The following CTNNA2 variants were observed in gnomAD, a reference collection of about 807,000 sequenced individuals.
CTNNA2 encodes catenin alpha 2, also known as catenin alpha-2.
A neutral mutation model predicts 101.0 loss-of-function variants in CTNNA2; 42 were observed. The ratio of observed to expected loss-of-function variants is 0.42; its 90% CI spans 0.32 to 0.54. The LOEUF is 0.54. Among genes scored for constraint, CTNNA2 ranks in the 20% least tolerant of loss-of-function variants. The pLI is 0.14. For synonymous variants in CTNNA2, 450 were observed against 456.4 expected (o/e 0.99, Z 0.18); for missense variants, 871 against 1,223.1 (o/e 0.71, Z 4.29).
chr2:80,622,816 G>T (rs1258239818), intron 18 of CTNNA2, among the ~76,000 whole-genome samples: 4 of 151,654 alleles, frequency 2.6e-5, no homozygotes, highest in Non-Finnish European at 4.4e-5. Context: ...GATTAGAACT[G>T]CTTTGTTACC....
chr2:79,526,702 G>A (rs1672425568), intron 1 of CTNNA2, among the ~76,000 whole-genome samples: 1 of 151,944 alleles, frequency 6.6e-6, no homozygotes, highest in African/African-American at 2.4e-5. Flanking sequence ...TTTCAACAAG[G>A]GTGACAAGAC....
In CTNNA2 at chr2:80,357,879, A is replaced by AT. The variant is rs142073817; in HGVS notation, c.1057-35324dup. ...CTAAGAGAAGCCATCTCTAAAATTGATTTTTTTTATTGACACTTGGTAATA... is the reference window on the plus strand; with the variant it reads ...CTAAGAGAAGCCATCTCTAAAATTGATTTTTTTTTATTGACACTTGGTAATA... On this transcript the variant is annotated intron_variant, in intron 7 of 18. Transcript: ENST00000402739. Among the ~76,000 whole-genome samples, 45 of 152,024 alleles carry AT rather than the reference A, an allele frequency of 3.0e-4. 2 individuals carry two copies. In the East Asian group the frequency reaches 8.3e-3, roughly 28 times the overall value.
rs1436963795 is a variant in CTNNA2, at chr2:79,518,192, A to T, written c.-6+4985A>T. Among the ~76,000 whole-genome samples the T allele has an allele frequency of 2.6e-5, 4 of 152,222 alleles. No individual in the cohort carries two copies. In the East Asian group the frequency reaches 7.7e-4, roughly 29 times the overall value. On this transcript the variant is annotated intron_variant, in intron 1 of 18. Transcript: ENST00000402739. ...AATATAAATCATATGTTGATTTTTC[A>T]GTATGTTGCTACTTGTAGACATCGG...
chr2:80,474,108 T>G (rs1222804930), intron 9 of CTNNA2, among the ~76,000 whole-genome samples: 1 of 152,182 alleles, frequency 6.6e-6, no homozygotes. Context: ...ACCAAAACAG[T>G]TTTTGTTTCT....
intron 3 of CTNNA2, among the ~76,000 whole-genome samples, chr2:79,850,757 C>T (rs145824851): frequency 6.6e-6 from 1 of 152,328 alleles, no homozygotes; most frequent in Non-Finnish European, 1.5e-5. Context: ...AATGAGAACA[C>T]TTCCTTCATC....
chr2:80,048,942 C>G, intron 7 of CTNNA2, among the ~76,000 whole-genome samples: 1 of 152,040 alleles, frequency 6.6e-6, no homozygotes, highest in Admixed American at 6.6e-5. Flanking sequence ...ATCTGGGGTG[C>G]AGACAGGTGG....
chr2:80,227,833 C>T (rs1000467348), intron 7 of CTNNA2, among the ~76,000 whole-genome samples: 15 of 149,058 alleles, frequency 1.0e-4, no homozygotes, highest in African/African-American at 3.3e-4. Flanking sequence ...AGACAAAATT[C>T]GAAAAAAACA....
At chr2:79,832,033 C>T (rs1226745199) in intron 3 of CTNNA2, among the ~76,000 whole-genome samples, 1 of 152,080 alleles carries the variant, frequency 6.6e-6, no homozygotes, top group African/African-American at 2.4e-5. Flanking sequence ...AAGTATTTGG[C>T]TCTAAGATAA....
intron 7 of CTNNA2, among the ~76,000 whole-genome samples, chr2:80,342,380 C>G (rs188348150): frequency 6.6e-6 from 1 of 152,190 alleles, no homozygotes; most frequent in Non-Finnish European, 1.5e-5. Flanking sequence ...CATTTGCCCT[C>G]TGATGAACTT....
intron 3 of CTNNA2, among the ~76,000 whole-genome samples, chr2:79,339,395 G>A (rs1677079404): frequency 6.6e-6 from 1 of 151,796 alleles, no homozygotes; most frequent in Non-Finnish European, 1.5e-5. Context: ...CAATTACAGG[G>A]TATTGTCACC....
rs1553384556 is a variant in CTNNA2 at position 79,232,547 on chromosome 2, C to CAA, written c.-406+34471_-406+34472insAA. 4.8e-4 allele frequency among the ~76,000 whole-genome samples: 73 copies of CAA among 152,234 alleles called. No individual in the cohort carries two copies. The East Asian group carries it at 0.014, about 28-fold the overall frequency. ...TGTTTTGCTATCAGAATGATGCTGG[C>CAA]TTTACAGAATGAATTAGGGAGAAAC... On this transcript the variant is annotated intron_variant, in intron 2 of 21. Coordinates refer to the CTNNA2 transcript ENST00000466387.
intron 4 of CTNNA2, among the ~76,000 whole-genome samples, chr2:79,464,304 G>A (rs1670909627): frequency 1.3e-5 from 2 of 152,148 alleles, no homozygotes; most frequent in Non-Finnish European, 2.9e-5. Flanking sequence ...CCCCGCAAAG[G>A]ACATGAACTC....
intron 3 of CTNNA2, among the ~76,000 whole-genome samples, chr2:79,317,772 A>C: frequency 6.6e-6 from 1 of 152,120 alleles, no homozygotes; most frequent in East Asian, 1.9e-4. Flanking sequence ...AAAAGTCTTA[A>C]ATTTTGACAA....
chr2:80,439,698 G>A (rs1682382454), intron 9 of CTNNA2, among the ~76,000 whole-genome samples: 1 of 152,164 alleles, frequency 6.6e-6, no homozygotes, highest in African/African-American at 2.4e-5. Flanking sequence ...ACCACGCCAG[G>A]CCTTATCTTA....
Position 80,220,101 on chromosome 2 carries a change from G to A in CTNNA2, c.1057-173110G>A, listed in dbSNP as rs376307017. Among the ~76,000 whole-genome samples, 25 of 152,272 alleles carry A rather than the reference G, an allele frequency of 1.6e-4. No homozygotes were observed. In the East Asian group the frequency reaches 3.5e-3, roughly 21 times the overall value. Reference sequence around the variant, plus strand: ...TTGACCACAAAGGATACTGAATGCAGTATACCAAGGATACTGCTGGGGATA... The same window carrying A: ...TTGACCACAAAGGATACTGAATGCAATATACCAAGGATACTGCTGGGGATA... On this transcript the variant is annotated intron_variant, in intron 7 of 18. Transcript: ENST00000402739.
chr2:79,444,900 TTCC>T (rs1678816237), intron 4 of CTNNA2, among the ~76,000 whole-genome samples: 1 of 152,118 alleles, frequency 6.6e-6, no homozygotes, highest in Non-Finnish European at 1.5e-5. Flanking sequence ...AAATTACTCC[TTCC>T]TCAGAATGAA....
chr2:79,866,091 A>C (rs917788425), intron 4 of CTNNA2, among the ~76,000 whole-genome samples: 2 of 152,230 alleles, frequency 1.3e-5, no homozygotes, highest in Non-Finnish European at 2.9e-5. Context: ...TGACTATCTC[A>C]AACAATATGA....
chr2:80,198,133 A>T (rs1706955515), intron 7 of CTNNA2, among the ~76,000 whole-genome samples: 1 of 152,214 alleles, frequency 6.6e-6, no homozygotes, highest in African/African-American at 2.4e-5. Flanking sequence ...CTGGGTAAAA[A>T]CAATAAACTC....
At chr2:80,124,178 C>G (rs893132371) in intron 7 of CTNNA2, among the ~76,000 whole-genome samples, 1 of 152,124 alleles carries the variant, frequency 6.6e-6, no homozygotes, top group African/African-American at 2.4e-5. Context: ...GTCTTGGTGG[C>G]ATGTCATGTT....
Sources: allele counts gnomAD v4.1 joint callset (sites outside exome capture counted in the v4.1 genomes callset), GRCh38; gene constraint gnomAD v4.1.1; transcripts MANE v1.5; gene names NCBI Gene and HGNC (gene_info 2026-07-23, HGNC 2026-07-21).